The following FBXO38 variants were observed in gnomAD, a reference collection of about 807,000 sequenced individuals.
FBXO38 encodes F-box protein 38.
FBXO38 carries 53 observed loss-of-function variants against 131.9 expected under a neutral mutation model. The observed-to-expected ratio is 0.40, with a 90% CI of 0.32 to 0.51. FBXO38 has a LOEUF of 0.51. Among genes scored for constraint, FBXO38 ranks in the 20% least tolerant of loss-of-function variants. The pLI is 0.53. For synonymous variants in FBXO38, 452 were observed against 505.6 expected (o/e 0.89, Z 1.42); for missense variants, 1,076 against 1,475.6 (o/e 0.73, Z 4.44).
At chr5:148,440,679 C>T (rs374052842) in intron 20 of FBXO38, 152 bp downstream of exon 20, 24 of 570,682 alleles carry the variant, frequency 4.2e-5, no homozygotes, top group Non-Finnish European at 5.9e-5. Context: ...TTCTCATTCA[C>T]GGATGAATGA....
At chr5:148,399,196 T>C (rs1751999658) in intron 3 of FBXO38, 64 bp downstream of exon 3, 2 of 1,571,778 alleles carry the variant, frequency 1.3e-6, no homozygotes, top group Non-Finnish European at 1.7e-6. Flanking sequence ...AATGGTTTCA[T>C]AAAAAGTTAC....
At chr5:148,389,406 G>C (rs1024170344) in intron 1 of FBXO38, among the ~76,000 whole-genome samples, 3 of 152,194 alleles carry the variant, frequency 2.0e-5, no homozygotes, top group African/African-American at 7.2e-5. Context: ...ACAGTAAAGT[G>C]AATCACAATT....
At chr5:148,423,925 G>C in intron 12 of FBXO38, 73 bp from the exon 13 acceptor site, 1 of 1,444,264 alleles carries the variant, frequency 6.9e-7, no homozygotes, top group Non-Finnish European at 9.4e-7. Context: ...TCTTAGGGCG[G>C]CCACAGTTTT....
chr5:148,388,924 C>T (rs1372524033), intron 1 of FBXO38, among the ~76,000 whole-genome samples: 3 of 152,242 alleles, frequency 2.0e-5, no homozygotes, highest in African/African-American at 7.2e-5. Flanking sequence ...AACATGACTT[C>T]CTCACTAAGG....
chr5:148,431,748 T>A (rs1445747150), intron 15 of FBXO38, among the ~76,000 whole-genome samples: 1 of 152,192 alleles, frequency 6.6e-6, no homozygotes, highest in Non-Finnish European at 1.5e-5. Context: ...TGGATGAAGT[T>A]CCTTCAGGAT....
Position 148,417,084 on chromosome 5 carries a change from A to C in FBXO38, c.1498A>C (p.Asn500His). ...SNQNSNNDDNNAQNNNANIHD... is the reference protein window; with the variant it reads ...SNQNSNNDDNHAQNNNANIHD... Reference sequence around the variant, plus strand: ...CCAGAACTCCAACAATGACGATAATAATGCCCAGAATAACAATGCCAACAT... The same window carrying C: ...CCAGAACTCCAACAATGACGATAATCATGCCCAGAATAACAATGCCAACAT... The change falls in exon 12 of 22, where the codon AAT (asparagine) becomes CAT (histidine). Residue 500 changes from asparagine (N) to histidine (H), a missense_variant. This residue lies in a region of FBXO38 where 212 missense variants were observed against 221.2 expected (regional missense o/e 0.96). Coordinates refer to ENST00000340253, the MANE Select transcript of FBXO38 (RefSeq NM_205836.3). 3 of 1,613,372 alleles carry C rather than the reference A, an allele frequency of 1.9e-6. No homozygotes were observed. The highest frequency in any genetic ancestry group is 2.5e-6 in the Non-Finnish European group (3 of 1,179,392).
chr5:148,390,608 A>G (rs1422099623), intron 1 of FBXO38, among the ~76,000 whole-genome samples: 1 of 152,214 alleles, frequency 6.6e-6, no homozygotes, highest in African/African-American at 2.4e-5. Flanking sequence ...ATTGTAGGTT[A>G]AGAAGGTTTT....
At chr5:148,414,087 A>C (rs776540359) in intron 9 of FBXO38, 49 bp from the exon 10 acceptor site, 1 of 1,556,118 alleles carries the variant, frequency 6.4e-7, no homozygotes, top group South Asian at 1.2e-5. Flanking sequence ...ACACTCCCTA[A>C]CACTTAAGAA....
chr5:148,411,655 A>G (rs1166795949), intron 9 of FBXO38, among the ~76,000 whole-genome samples: 1 of 152,124 alleles, frequency 6.6e-6, no homozygotes, highest in Non-Finnish European at 1.5e-5. Flanking sequence ...TTTGTTTTTC[A>G]CAGTACTCAT....
intron 7 of FBXO38, among the ~76,000 whole-genome samples, chr5:148,408,851 T>C (rs1033167617): frequency 1.3e-5 from 2 of 152,206 alleles, no homozygotes; most frequent in African/African-American, 2.4e-5. Flanking sequence ...AGCTTCTGAC[T>C]TTCTAAAAAT....
chr5:148,404,746 A>G lies in FBXO38; in HGVS notation c.654A>G (p.Val218=), dbSNP rs367907860. 4 of 1,607,966 alleles carry G rather than the reference A, an allele frequency of 2.5e-6. No homozygotes were observed. Among genetic ancestry groups the G allele is most frequent in the Non-Finnish European group, 3.4e-6 (4 of 1,177,884 alleles). The change falls in exon 6 of 22, where the codon GTA becomes GTG. Residue 218 remains valine (V), a synonymous_variant. Coordinates refer to ENST00000340253, the MANE Select transcript of FBXO38 (RefSeq NM_205836.3). ...TAAGGCACCTTTATATGAAGTGGGT[A>G]AGACTCACTAAACCACAGCCATTTA... ...PMLRHLYMKW[V]RLTKPQPFKD...
chr5:148,419,593 T>C (rs1270377936), intron 12 of FBXO38, among the ~76,000 whole-genome samples: 2 of 152,206 alleles, frequency 1.3e-5, no homozygotes, highest in East Asian at 1.9e-4. Flanking sequence ...TTGAAAACTT[T>C]TCACGTCTGG....
Position 148,427,847 on chromosome 5 carries a change from G to C in FBXO38, c.2553G>C (p.Gln851His). 8 of 1,597,218 alleles carry C rather than the reference G, an allele frequency of 5.0e-6. No individual in the cohort carries two copies. The highest frequency in any genetic ancestry group is 6.8e-6 in the Non-Finnish European group (8 of 1,172,368). The change falls in exon 15 of 22, where the codon CAG becomes CAC. Residue 851 changes from glutamine (Q) to histidine (H), a missense_variant. Physicochemically the swap from Gln to His is conservative, Grantham distance 24 (BLOSUM62 0). Around this residue, in one of 8 missense-constraint regions of FBXO38, gnomAD observed 213 missense variants for 225.2 expected, o/e 0.95. Coordinates refer to ENST00000340253, the MANE Select transcript of FBXO38 (RefSeq NM_205836.3). ...GTGAGGACAGGAGGGGGAGCTCCCAGCCTGAGAGTTGTGACGTGCAGTCTA... is the reference window on the plus strand; with the variant it reads ...GTGAGGACAGGAGGGGGAGCTCCCACCCTGAGAGTTGTGACGTGCAGTCTA... ...ATGEDRRGSS[Q>H]PESCDVQSNE...
At chr5:148,437,036 G>A (rs1754382741) in intron 17 of FBXO38, among the ~76,000 whole-genome samples, 1 of 152,144 alleles carries the variant, frequency 6.6e-6, no homozygotes, top group South Asian at 2.1e-4. Flanking sequence ...TCTGCCAGTC[G>A]GCATCTCGTT....
chr5:148,435,406 T>C (rs1159434235), intron 17 of FBXO38, among the ~76,000 whole-genome samples: 1 of 152,260 alleles, frequency 6.6e-6, no homozygotes, highest in Non-Finnish European at 1.5e-5. Context: ...GCAAGAGACC[T>C]AGCTTTTGAC....
Position 148,419,352 on chromosome 5 carries a change from A to AACAC in FBXO38, c.1618+2158_1618+2161dup, listed in dbSNP as rs968311354. Among the ~76,000 whole-genome samples, 7 of 151,790 alleles carry AACAC rather than the reference A, an allele frequency of 4.6e-5. No individual in the cohort carries two copies. The East Asian group carries it at 1.4e-3, about 29-fold the overall frequency. ...ATTAAACATGTATACACACACACAC[A>AACAC]ACACACACACACATATAAGTTAGAT... is the stretch of plus-strand genomic sequence containing the variant. On this transcript the variant is annotated intron_variant, in intron 12 of 21. Transcript: ENST00000340253.
intron 6 of FBXO38, among the ~76,000 whole-genome samples, chr5:148,405,893 A>G (rs757493139): frequency 2.0e-5 from 3 of 152,156 alleles, no homozygotes; most frequent in Non-Finnish European, 4.4e-5. Context: ...GTGATCTTCT[A>G]TAGTAGCTAA....
intron 1 of FBXO38, among the ~76,000 whole-genome samples, chr5:148,392,455 A>C (rs1758245258): frequency 6.6e-6 from 1 of 152,072 alleles, no homozygotes; most frequent in African/African-American, 2.4e-5. Context: ...TTCATTTTGA[A>C]CATAGTGTTT....
At chr5:148,391,581 T>C (rs1024229855) in intron 1 of FBXO38, among the ~76,000 whole-genome samples, 9 of 152,210 alleles carry the variant, frequency 5.9e-5, no homozygotes, top group African/African-American at 1.9e-4. Flanking sequence ...ACTAAGAAGA[T>C]ACTGGTCTGC....
Sources: gnomAD v4.1 joint callset for allele counts (sites outside exome capture counted in the v4.1 genomes callset) on GRCh38, gnomAD v4.1.1 for gene constraint, gnomAD v4.1.1 regional missense constraint, MANE v1.5 for transcripts, NCBI Gene and HGNC (gene_info 2026-07-23, HGNC 2026-07-21) for gene names.